Variants in NES observed in about 807,000 individuals in gnomAD.
NES encodes nestin.
A neutral mutation model predicts 35.6 loss-of-function variants in NES; 27 were observed. The observed-to-expected ratio is 0.76, with a 90% CI of 0.56 to 1.04. The LOEUF (loss-of-function observed/expected upper bound fraction) is 1.04, where lower values mean the gene tolerates loss of function less well. NES is among the 50% of genes least tolerant of loss of function. The probability of loss-of-function intolerance (pLI) is 0.00; values close to 1 mark genes in which losing one functional copy is unlikely to be tolerated. For missense variants in NES, 1,867 were observed against 1,983.6 expected (o/e 0.94, Z 1.12); for synonymous variants, 822 against 824.2 (o/e 1.00, Z 0.04).
rs896304775 is a variant in NES at position 156,675,466 on chromosome 1, A to G, written c.784-126T>C. The G allele has an allele frequency of 4.4e-6, 5 of 1,146,490 alleles. No individual in the cohort carries two copies. The African/African-American group carries it at 7.7e-5, about 18-fold the overall frequency. The allele number at this position is 1,146,490 out of a possible 1,614,324, so 71.0% of individuals were successfully genotyped here. A position where few individuals can be genotyped will look rare whatever the true frequency, so the allele number is the denominator to read the frequency against. ...TCCCTGGCTGACTTATCTGTGTAGC[A>G]GACCCCCGCCTCCCCTACCCTATTC... On this transcript the variant is annotated intron_variant, in intron 1 of 3. Coordinates refer to ENST00000368223, the MANE Select transcript of NES (RefSeq NM_006617.2).
intron 2 of NES, among the ~76,000 whole-genome samples, chr1:156,674,005 C>T (rs1013066770): frequency 5.9e-5 from 9 of 152,182 alleles, no homozygotes; most frequent in Admixed American, 2.6e-4. Context: ...CCTCCTTCCC[C>T]GGTGGCCCCC....
intron 3 of NES, 122 bp downstream of exon 3, chr1:156,673,332 A>G (rs1679777239): frequency 3.8e-6 from 5 of 1,304,176 alleles, no homozygotes; most frequent in South Asian, 2.8e-5. Context: ...GGCTGAGAGC[A>G]TGCTCACTGA....
chr1:156,674,250 G>A (rs564199282), intron 2 of NES, among the ~76,000 whole-genome samples: 3 of 152,024 alleles, frequency 2.0e-5, no homozygotes, highest in Admixed American at 1.3e-4. Context: ...GAACCAAAGA[G>A]GGGAGCAGGG....
rs144411175 is a variant in NES at position 156,675,258 on chromosome 1, G to A, written c.866C>T (p.Ala289Val). 23 of 1,613,472 alleles carry A rather than the reference G, an allele frequency of 1.4e-5. No homozygotes were observed. The highest frequency in any genetic ancestry group is 2.2e-5 in the South Asian group (2 of 91,070). ...CAGGCTGAGGGACATCTTGAGGTGC[G>A]CCAGCTGCTGCCGACCTTCCAGGAC... is the stretch of plus-strand genomic sequence containing the variant. The part of the protein sequence containing the change: ...AQVLEGRQQL[A>V]HLKMSLSLEV... The change falls in exon 2 of 4, where the codon GCG (alanine) becomes GTG (valine). Residue 289 changes from alanine (A) to valine (V), a missense_variant. Ala to Val is a moderately conservative substitution (Grantham distance 64). Transcript: ENST00000368223.
At position 156,672,850 on chromosome 1, in the gene NES, C is replaced by A; in HGVS notation, c.1338G>T (p.Glu446Asp). Residue 446 changes from glutamate (E) to aspartate (D), a missense_variant, in exon 4 of 4, where the codon GAG (glutamate) becomes GAT (aspartate). Coordinates refer to ENST00000368223, the MANE Select transcript of NES (RefSeq NM_006617.2). ...TGGCCTCTTGCCGCTGGCCCCCAGG[C>A]TCCTCTGGTCCAGGCAGGACGCTGG... ...IPASVLPGPEEPGGQRQEAST... is the reference protein window; with the variant it reads ...IPASVLPGPEDPGGQRQEAST... 6.2e-7 allele frequency: 1 copy of A among 1,613,940 alleles called. No homozygotes were observed. Among genetic ancestry groups the A allele is most frequent in the Non-Finnish European group, 8.5e-7 (1 of 1,180,030 alleles).
At position 156,670,722 on chromosome 1, in the gene NES, C is replaced by G; in HGVS notation, c.3466G>C (p.Glu1156Gln). ...GGGTCTCTGCTCTTCCCAGGCAGCT[C>G]GGAGAACTCTGTCCCCAGACCACCT... The part of the protein sequence containing the change: ...EAGGLGTEFS[E>Q]LPGKSRDPWE... The change falls in exon 4 of 4, where the codon GAG (glutamate) becomes CAG (glutamine). Residue 1156 changes from glutamate (E) to glutamine (Q), a missense_variant. Physicochemically the swap from Glu to Gln is conservative, Grantham distance 29 (BLOSUM62 2). Transcript: ENST00000368223. The G allele has an allele frequency of 2.5e-6, 4 of 1,614,022 alleles. No homozygotes were observed. The highest frequency in any genetic ancestry group is 2.5e-6 in the Non-Finnish European group (3 of 1,179,966).
Position 156,670,511 on chromosome 1 carries a change from G to A in NES, c.3677C>T (p.Thr1226Ile), listed in dbSNP as rs781031799. 6.3e-7 allele frequency: 1 copy of A among 1,598,928 alleles called. No homozygotes were observed. Among genetic ancestry groups the A allele is most frequent in the African/African-American group, 1.3e-5 (1 of 74,736 alleles). The change falls in exon 4 of 4, where the codon ACC becomes ATC. Residue 1226 changes from threonine to isoleucine, a missense_variant. Transcript: ENST00000368223. ...CCCAGGGGCATCTTCCAGGATCGGG[G>A]TGTACGTTGGGCTGGGGGAGACCAG... is the stretch of plus-strand genomic sequence containing the variant. The part of the protein sequence containing the change: ...PVLVSPSPTY[T>I]PILEDAPGPQ...
In NES at chr1:156,671,887, C is replaced by G; in HGVS notation, c.2301G>C (p.Arg767Ser). The change falls in exon 4 of 4, where the codon AGG becomes AGC. Residue 767 changes from arginine (R) to serine (S), a missense_variant. Coordinates refer to ENST00000368223, the MANE Select transcript of NES (RefSeq NM_006617.2). ...TCATCTGATCCTGTTCCCCTAGAGACCTCCGTCGCTGTTGAGTCTCTTTTT... is the reference window on the plus strand; with the variant it reads ...TCATCTGATCCTGTTCCCCTAGAGAGCTCCGTCGCTGTTGAGTCTCTTTTT... ...TLEKETQQRR[R>S]SLGEQDQMTL... The G allele has an allele frequency of 6.2e-7, 1 of 1,614,084 alleles. No individual in the cohort carries two copies. Among genetic ancestry groups the G allele is most frequent in the Non-Finnish European group, 8.5e-7 (1 of 1,180,000 alleles).
At position 156,672,263 on chromosome 1, in the gene NES, T is replaced by A; in HGVS notation, c.1925A>T (p.Asn642Ile). The change falls in exon 4 of 4, where the codon AAT (asparagine) becomes ATT (isoleucine). Residue 642 changes from asparagine to isoleucine, a missense_variant. Physicochemically the swap from Asn to Ile is moderately radical, Grantham distance 149. Transcript: ENST00000368223. ...TCCTGGAAATAAAAATGTCTCTAGA[T>A]TACCTTCAAGAGATTTCATTAGTTC... is the stretch of plus-strand genomic sequence containing the variant. ...NQELMKSLEG[N>I]LETFLFPGTE... 6.2e-7 allele frequency: 1 copy of A among 1,601,396 alleles called. No individual in the cohort carries two copies. The highest frequency in any genetic ancestry group is 8.5e-7 in the Non-Finnish European group (1 of 1,175,624).
Position 156,670,472 on chromosome 1 carries a change from G to A in NES, c.3716C>T (p.Ala1239Val), listed in dbSNP as rs761203371. Residue 1239 changes from alanine to valine, a missense_variant, in exon 4 of 4, where the codon GCT (alanine) becomes GTT (valine). Transcript: ENST00000368223. ...LEDAPGPQPQ[A>V]EGSQEASWGV... ...CCAGCTAGCCTCCTGACTCCCTTCA[G>A]CCTGAGGCTGAGGCCCAGGGGCATC... 6 of 1,573,176 alleles carry A rather than the reference G, an allele frequency of 3.8e-6. No individual in the cohort carries two copies. In the South Asian group the frequency reaches 7.1e-5, roughly 19 times the overall value.
At chr1:156,673,370 G>C (rs908357494) in intron 3 of NES, 84 bp downstream of exon 3, 9 of 1,424,540 alleles carry the variant, frequency 6.3e-6, no homozygotes, top group Non-Finnish European at 8.7e-6. Context: ...TTGAAATTTA[G>C]ATTGGTGCCT....
chr1:156,676,519 C>A lies in NES; in HGVS notation c.746G>T (p.Arg249Leu). 1 of 1,597,124 alleles carries A rather than the reference C, an allele frequency of 6.3e-7. No homozygotes were observed. The highest frequency in any genetic ancestry group is 8.5e-7 in the Non-Finnish European group (1 of 1,179,092). ...AGTAGCCCGCAGCCGCTCCTGCCAG[C>A]GGCCCTCCAACCTCTGTTCCAACGC... is the stretch of plus-strand genomic sequence containing the variant. ...RAALEQRLEG[R>L]WQERLRATEK... Residue 249 changes from arginine (R) to leucine (L), a missense_variant, in exon 1 of 4, where the codon CGC (arginine) becomes CTC (leucine). Transcript: ENST00000368223. The surrounding 1 kb of genome is among the most constrained non-coding windows in gnomAD (Gnocchi z 5.3).
chr1:156,674,923 G>A (rs1448230032), intron 2 of NES, among the ~76,000 whole-genome samples: 4 of 152,216 alleles, frequency 2.6e-5, no homozygotes, highest in Non-Finnish European at 5.9e-5. Context: ...GGGTCTGGAT[G>A]CAGTTGCCCC....
chr1:156,676,318 C>T lies in NES; in HGVS notation c.783+164G>A, dbSNP rs1221524278. Among the ~76,000 whole-genome samples, 5 of 152,140 alleles carry T rather than the reference C, an allele frequency of 3.3e-5. No homozygotes were observed. The highest frequency in any genetic ancestry group is 7.4e-5 in the Non-Finnish European group (5 of 68,014). On this transcript the variant is annotated intron_variant, in intron 1 of 3. Transcript: ENST00000368223. This position sits in a 1 kb window ranked among gnomAD's most constrained non-coding sequence, Gnocchi z 5.3. ...CCCACCATTCGCATCCTACACTAGACGGGCTGTAAAAGTCTAGGACTTGTG... is the reference window on the plus strand; with the variant it reads ...CCCACCATTCGCATCCTACACTAGATGGGCTGTAAAAGTCTAGGACTTGTG...
intron 2 of NES, 23 bp from the exon 3 acceptor site, chr1:156,673,550 G>A (rs767740184): frequency 1.7e-5 from 27 of 1,586,984 alleles, no homozygotes; most frequent in Non-Finnish European, 2.2e-5. Flanking sequence ...GAGGGAAAGT[G>A]GGGTCAGCCC....
intron 2 of NES, 79 bp downstream of exon 2, chr1:156,675,137 G>T: frequency 6.5e-7 from 1 of 1,536,536 alleles, no homozygotes; most frequent in Non-Finnish European, 8.8e-7. Flanking sequence ...CTACACCTCT[G>T]GTCCCCTTCA....
At chr1:156,673,314 C>A in intron 3 of NES, 109 bp from the exon 4 acceptor site, 1 of 1,294,872 alleles carries the variant, frequency 7.7e-7, no homozygotes, top group East Asian at 2.4e-5. Context: ...CCCTGGCGCC[C>A]ATGGCTGGGC....
In NES at chr1:156,676,600, C is replaced by A. The variant is rs754568965; in HGVS notation, c.665G>T (p.Arg222Leu). ...AGCCTGGAGCTGCTGCAGCTCCAGG[C>A]GGCCCTCGCGGGCACCCTGCACCGC... is the stretch of plus-strand genomic sequence containing the variant. ...GRAVQGAREGRLELQQLQAER... is the reference protein window; with the variant it reads ...GRAVQGAREGLLELQQLQAER... The change falls in exon 1 of 4, where the codon CGC (arginine) becomes CTC (leucine). Residue 222 changes from arginine (R) to leucine (L), a missense_variant. Coordinates refer to ENST00000368223, the MANE Select transcript of NES (RefSeq NM_006617.2). The surrounding 1 kb of genome is among the most constrained non-coding windows in gnomAD (Gnocchi z 5.3). 32 of 1,570,226 alleles carry A rather than the reference C, an allele frequency of 2.0e-5. No individual in the cohort carries two copies. The highest frequency in any genetic ancestry group is 3.4e-4 in the Middle Eastern group (2 of 5,908).
intron 1 of NES, 30 bp from the exon 2 acceptor site, chr1:156,675,370 A>T (rs1224225751): frequency 6.3e-7 from 1 of 1,582,518 alleles, no homozygotes; most frequent in African/African-American, 1.3e-5. Flanking sequence ...CAGTCAGTGG[A>T]GGGGCTGGGG....
Sources: allele counts gnomAD v4.1 joint callset (sites outside exome capture counted in the v4.1 genomes callset), GRCh38; gene constraint gnomAD v4.1.1; non-coding constraint Gnocchi (gnomAD v3.1); transcripts MANE v1.5; gene names NCBI Gene and HGNC (gene_info 2026-07-23, HGNC 2026-07-21).